ZNF614: variants seen among roughly 807,000 people sequenced by gnomAD.
The protein encoded by ZNF614 is zinc finger protein 614.
A neutral mutation model predicts 12.8 loss-of-function variants in ZNF614; 11 were observed. That is an observed-to-expected ratio of 0.86 (90% confidence interval 0.54 to 1.43). The LOEUF (loss-of-function observed/expected upper bound fraction) is 1.43, where lower values mean the gene tolerates loss of function less well. ZNF614 is among the 40% of genes most tolerant of loss of function. The pLI is 0.00. For missense variants in ZNF614, 664 were observed against 708.8 expected, an observed-to-expected ratio of 0.94 and a Z score of 0.72; for synonymous variants, 237 against 237.5, an observed-to-expected ratio of 1.00 and a Z score of 0.02.
Position 52,018,400 on chromosome 19 carries a change from A to G in ZNF614, c.110T>C (p.Met37Thr). 4 of 1,614,106 alleles carry G rather than the reference A, an allele frequency of 2.5e-6. No individual in the cohort carries two copies. Among genetic ancestry groups the G allele is most frequent in the Non-Finnish European group, 3.4e-6 (4 of 1,180,018 alleles). Residue 37 changes from methionine (M) to threonine (T), a missense_variant, in exon 3 of 5, where the codon ATG becomes ACG. Transcript: ENST00000270649. ...TACTAGGTGGTTATAGTTCTCCACC[A>G]TCACATCCCGGTACAGGTTCTTCTG... Reference protein sequence around the residue: ...TAQKNLYRDVMVENYNHLVSL... With the variant: ...TAQKNLYRDVTVENYNHLVSL...
chr19:52,023,100 A>C (rs2086942715), intron 2 of ZNF614, among the ~76,000 whole-genome samples: 1 of 151,022 alleles, frequency 6.6e-6, no homozygotes, highest in South Asian at 2.1e-4. Context: ...AAGAAAAAAA[A>C]AAAAAGAAAA....
In ZNF614 at chr19:52,025,945, G is replaced by A. The variant is rs2086968950; in HGVS notation, c.-200C>T. 5.1e-6 allele frequency: 3 copies of A among 586,530 alleles called. No individual in the cohort carries two copies. The highest frequency in any genetic ancestry group is 9.0e-6 in the Non-Finnish European group (3 of 333,942). The allele number at this position is 586,530 out of a possible 1,614,324, so 36.3% of individuals were successfully genotyped here. A position where few individuals can be genotyped will look rare whatever the true frequency, so the allele number is the denominator to read the frequency against. On this transcript the variant is annotated 5_prime_UTR_variant, in exon 2 of 5. Coordinates refer to ENST00000270649, the MANE Select transcript of ZNF614 (RefSeq NM_025040.4). The stretch of plus-strand genomic sequence containing the variant: ...TTCACTTGAGTTATTTTGCTTCTGG[G>A]AGCCAGGACCTGAGGACTGATAAAC...
chr19:52,017,475 G>GGGCA, intron 4 of ZNF614, 116 bp from the exon 5 acceptor site: 1 of 937,706 alleles, frequency 1.1e-6, no homozygotes, highest in East Asian at 2.7e-5. Flanking sequence ...AGGCTGAGGC[G>GGGCA]GGCAGATCAC....
intron 2 of ZNF614, among the ~76,000 whole-genome samples, chr19:52,024,881 G>A (rs111859640): frequency 4.9e-4 from 74 of 152,278 alleles, no homozygotes; most frequent in African/African-American, 1.6e-3. Flanking sequence ...AGACCTGACC[G>A]TCCCCCAGCA....
intron 2 of ZNF614, among the ~76,000 whole-genome samples, chr19:52,019,611 T>C (rs1333236453): frequency 6.6e-6 from 1 of 152,202 alleles, no homozygotes; most frequent in Non-Finnish European, 1.5e-5. Flanking sequence ...AATATACTGA[T>C]GGCTGACATT....
chr19:52,024,162 A>G (rs1490953718), intron 2 of ZNF614, among the ~76,000 whole-genome samples: 4 of 152,020 alleles, frequency 2.6e-5, no homozygotes, highest in African/African-American at 9.7e-5. Flanking sequence ...GCCATTCCTG[A>G]GTTGTACCCT....
At chr19:52,017,816 T>G in intron 4 of ZNF614, 192 bp downstream of exon 4, 1 of 483,230 alleles carries the variant, frequency 2.1e-6, no homozygotes, top group Non-Finnish European at 3.6e-6. Flanking sequence ...CTGAAATATA[T>G]CCAAGAAATC....
At chr19:52,024,887 C>G (rs974395394) in intron 2 of ZNF614, among the ~76,000 whole-genome samples, 1 of 152,158 alleles carries the variant, frequency 6.6e-6, no homozygotes, top group African/African-American at 2.4e-5. Context: ...GACCGTCCCC[C>G]AGCATGACAC....
In ZNF614 at chr19:52,017,087, C is replaced by G; in HGVS notation, c.511G>C (p.Glu171Gln). ...AATCTAGTTTTAGTATGCGTACGTT[C>G]ATGCTTACCATGTAGAAGTGTTTTC... The part of the protein sequence containing the change: ...GEKTLLHGKH[E>Q]RTHTKTRFSE... The change falls in exon 5 of 5, where the codon GAA (glutamate) becomes CAA (glutamine). Residue 171 changes from glutamate to glutamine, a missense_variant. Physicochemically the swap from Glu to Gln is conservative, Grantham distance 29. Transcript: ENST00000270649. The G allele has an allele frequency of 6.2e-7, 1 of 1,614,170 alleles. No homozygotes were observed.
At chr19:52,020,646 A>G (rs779609934) in intron 2 of ZNF614, among the ~76,000 whole-genome samples, 1 of 152,134 alleles carries the variant, frequency 6.6e-6, no homozygotes, top group Non-Finnish European at 1.5e-5. Flanking sequence ...CCCCTTCCTG[A>G]CTGGTATTAC....
At position 52,018,246 on chromosome 19, in the gene ZNF614, AG is replaced by A. The variant is rs1163070477; in HGVS notation, c.142+121del. On this transcript the variant is annotated intron_variant, in intron 3 of 4. Coordinates refer to ENST00000270649, the MANE Select transcript of ZNF614 (RefSeq NM_025040.4). Reference sequence around the variant, plus strand: ...AGATTATACCACTTTGGGGTCAGAGAGGGGACTGAAAATGTAACTCTTCCAA... The same window carrying A: ...AGATTATACCACTTTGGGGTCAGAGAGGGACTGAAAATGTAACTCTTCCAA... The A allele has an allele frequency of 4.6e-6, 7 of 1,517,372 alleles. No homozygotes were observed. In the Admixed American group the frequency reaches 6.7e-5, roughly 15 times the overall value. The allele number at this position is 1,517,372 out of a possible 1,614,324, so 94.0% of individuals were successfully genotyped here.
At chr19:52,018,280 A>C in intron 3 of ZNF614, 88 bp downstream of exon 3, 1 of 1,597,368 alleles carries the variant, frequency 6.3e-7, no homozygotes, top group African/African-American at 1.3e-5. Flanking sequence ...CAAACACCAC[A>C]GTGACTGTAA....
Position 52,016,165 on chromosome 19 carries a change from G to C in ZNF614, c.1433C>G (p.Thr478Arg). 2 of 1,614,136 alleles carry C rather than the reference G, an allele frequency of 1.2e-6. No individual in the cohort carries two copies. The highest frequency in any genetic ancestry group is 1.7e-6 in the Non-Finnish European group (2 of 1,180,022). Residue 478 changes from threonine (T) to arginine (R), a missense_variant, in exon 5 of 5, where the codon ACA becomes AGA. Physicochemically the swap from Thr to Arg is moderately conservative, Grantham distance 71. Coordinates refer to ENST00000270649, the MANE Select transcript of ZNF614 (RefSeq NM_025040.4). The stretch of plus-strand genomic sequence containing the variant: ...GGTACATACAAAGGGAGTCTTTCCT[G>C]TATGACATCTCTCATGTTGTATGAG... ...ICLIQHERCH[T>R]GKTPFVCTEC...
intron 1 of ZNF614, among the ~76,000 whole-genome samples, chr19:52,026,326 A>G (rs2086972178): frequency 6.6e-6 from 1 of 152,184 alleles, no homozygotes; most frequent in South Asian, 2.1e-4. Context: ...GATGCTGTTA[A>G]TCTGTAACCC....
At chr19:52,025,472 C>T (rs570296645) in intron 2 of ZNF614, among the ~76,000 whole-genome samples, 59 of 152,178 alleles carry the variant, frequency 3.9e-4, no homozygotes, top group Middle Eastern at 3.4e-3. Flanking sequence ...TACAGGTGTG[C>T]ACCACCACAC....
chr19:52,021,609 A>T (rs2086933463), intron 2 of ZNF614, among the ~76,000 whole-genome samples: 1 of 151,996 alleles, frequency 6.6e-6, no homozygotes, highest in South Asian at 2.1e-4. Flanking sequence ...TGGGTGTGGT[A>T]GTGGATGCCT....
Position 52,018,033 on chromosome 19 carries a change from A to G in ZNF614, c.213T>C (p.Ala71=). 9 of 1,613,992 alleles carry G rather than the reference A, an allele frequency of 5.6e-6. No homozygotes were observed. Among genetic ancestry groups the G allele is most frequent in the Non-Finnish European group, 7.6e-6 (9 of 1,179,948 alleles). ...AHGQEPWTTD[A]KIQNKNCPGI... ...CTGGACAATTTTTATTCTGAATTTT[A>G]GCATCTGTTGTCCATGGTTCTTGTC... Residue 71 remains alanine, a synonymous_variant, in exon 4 of 5, where the codon GCT becomes GCC. Coordinates refer to ENST00000270649, the MANE Select transcript of ZNF614 (RefSeq NM_025040.4).
intron 2 of ZNF614, among the ~76,000 whole-genome samples, chr19:52,024,471 C>CT (rs1436099469): frequency 6.6e-6 from 1 of 152,104 alleles, no homozygotes; most frequent in Non-Finnish European, 1.5e-5. Flanking sequence ...CCCCACATAT[C>CT]TGGTGTCAGA....
At chr19:52,024,394 T>C (rs1026398896) in intron 2 of ZNF614, among the ~76,000 whole-genome samples, 1 of 152,050 alleles carries the variant, frequency 6.6e-6, no homozygotes, top group Non-Finnish European at 1.5e-5. Flanking sequence ...AGACAATTAG[T>C]GTCAGAATTG....
Sources: allele counts gnomAD v4.1 joint callset (sites outside exome capture counted in the v4.1 genomes callset), GRCh38; gene constraint gnomAD v4.1.1; transcripts MANE v1.5; gene names NCBI Gene and HGNC (gene_info 2026-07-23, HGNC 2026-07-21).